Variants in SMAD6 observed in about 807,000 individuals in gnomAD.
The protein encoded by SMAD6 is MAD homolog 6.
A neutral mutation model predicts 39.4 loss-of-function variants in SMAD6; 103 were observed. The ratio of observed to expected loss-of-function variants is 2.62; its 90% CI spans 2.23 to 3.08. The LOEUF (loss-of-function observed/expected upper bound fraction) is 3.08, where lower values mean the gene tolerates loss of function less well. Ranked by LOEUF, SMAD6 falls within the 30% of genes most tolerant of loss-of-function variation. The pLI is 0.00. For synonymous variants in SMAD6, 445 were observed against 353.3 expected, an observed-to-expected ratio of 1.26 and a Z score of -2.91; for missense variants, 1,104 against 742.9, an observed-to-expected ratio of 1.49 and a Z score of -5.65.
intron 3 of SMAD6, among the ~76,000 whole-genome samples, chr15:66,748,598 G>A (rs932561295): frequency 6.6e-6 from 1 of 152,110 alleles, no homozygotes; most frequent in African/African-American, 2.4e-5. Flanking sequence ...TAATTGAATT[G>A]CATACTTTCA....
At chr15:66,765,072 C>T (rs919588532) in intron 3 of SMAD6, among the ~76,000 whole-genome samples, 1 of 152,198 alleles carries the variant, frequency 6.6e-6, no homozygotes, top group Non-Finnish European at 1.5e-5. Flanking sequence ...TCCCTCACCA[C>T]CCCTGAAGAT....
intron 1 of SMAD6, chr15:66,707,822 C>A (rs1893148375): frequency 1.3e-5 from 2 of 152,380 alleles, no homozygotes; most frequent in African/African-American, 4.8e-5. Flanking sequence ...GGAAACTTGG[C>A]AACCCGGGAG....
At chr15:66,731,246 G>T (rs901342720) in intron 3 of SMAD6, among the ~76,000 whole-genome samples, 1 of 151,562 alleles carries the variant, frequency 6.6e-6, no homozygotes, top group East Asian at 1.9e-4. Flanking sequence ...AGACCACCCC[G>T]GCTAAAACGG....
At chr15:66,708,684 C>A in intron 1 of SMAD6, 1 of 469,882 alleles carries the variant, frequency 2.1e-6, no homozygotes, top group Non-Finnish European at 4.4e-6. Context: ...CCACAAAAGG[C>A]CATATATTGT....
At chr15:66,750,819 C>T (rs969641477) in intron 3 of SMAD6, among the ~76,000 whole-genome samples, 1 of 152,172 alleles carries the variant, frequency 6.6e-6, no homozygotes, top group Non-Finnish European at 1.5e-5. Context: ...GGATATTAAT[C>T]CCCCACTCCT....
At chr15:66,714,278 TGAG>T (rs1893285200) in intron 2 of SMAD6, among the ~76,000 whole-genome samples, 1 of 152,120 alleles carries the variant, frequency 6.6e-6, no homozygotes, top group African/African-American at 2.4e-5. Context: ...ATGAGATGAC[TGAG>T]GCCCAGAAAG....
At position 66,702,346 on chromosome 15, in the gene SMAD6, A is replaced by G. The variant is rs1892988156; in HGVS notation, c.-913A>G. On this transcript the variant is annotated 5_prime_UTR_variant, in exon 1 of 4. Coordinates refer to ENST00000288840, the MANE Select transcript of SMAD6 (RefSeq NM_005585.5). Reference sequence around the variant, plus strand: ...AGCCGAGCGGGGGAGCGATCGAGGGAGCTGAGCCGAGAGAAAGAGCCGCCG... The same window carrying G: ...AGCCGAGCGGGGGAGCGATCGAGGGGGCTGAGCCGAGAGAAAGAGCCGCCG... 6.7e-6 allele frequency: 1 copy of G among 150,296 alleles called. No individual in the cohort carries two copies. The highest frequency in any genetic ancestry group is 2.5e-5 in the African/African-American group (1 of 40,504). 9.3% of individuals were successfully genotyped at this position (150,296 alleles called of 1,614,324 possible).
intron 3 of SMAD6, among the ~76,000 whole-genome samples, chr15:66,724,679 C>T (rs946310872): frequency 3.3e-5 from 5 of 152,202 alleles, no homozygotes; most frequent in African/African-American, 9.7e-5. Context: ...TCTTGAGCTT[C>T]TGGGGCTTCT....
intron 3 of SMAD6, among the ~76,000 whole-genome samples, chr15:66,753,862 T>C (rs1021547562): frequency 2.0e-5 from 3 of 152,174 alleles, no homozygotes; most frequent in African/African-American, 7.2e-5. Context: ...CCCAGCTGGA[T>C]GACTCGGGTT....
Position 66,703,642 on chromosome 15 carries a change from C to G in SMAD6, c.384C>G (p.Leu128=), listed in dbSNP as rs752593472. 5 of 1,233,634 alleles carry G rather than the reference C, an allele frequency of 4.1e-6. No homozygotes were observed. Among genetic ancestry groups the G allele is most frequent in the Non-Finnish European group, 5.1e-6 (5 of 987,172 alleles). 76.4% of individuals were successfully genotyped at this position (1,233,634 alleles called of 1,614,324 possible). ...ACTGCGAGACGGTGACCTGCTGTCT[C>G]TTTTCGGAGCGGGACGCCGCCGGCG... is the stretch of plus-strand genomic sequence containing the variant. The part of the protein sequence containing the change: ...ESDCETVTCC[L]FSERDAAGAP... Residue 128 remains leucine, a synonymous_variant, in exon 1 of 4, where the codon CTC becomes CTG. Transcript: ENST00000288840.
At chr15:66,725,020 T>C (rs1848229726) in intron 3 of SMAD6, among the ~76,000 whole-genome samples, 1 of 152,152 alleles carries the variant, frequency 6.6e-6, no homozygotes, top group South Asian at 2.1e-4. Context: ...AGGGTCCCCC[T>C]CCTCCTATCC....
At chr15:66,756,534 A>G (rs868417934) in intron 3 of SMAD6, among the ~76,000 whole-genome samples, 10 of 152,338 alleles carry the variant, frequency 6.6e-5, no homozygotes, top group South Asian at 2.1e-4. Context: ...CAGCAGCTCC[A>G]CTGGCGCTGC....
At chr15:66,740,001 T>G (rs186172888) in intron 3 of SMAD6, among the ~76,000 whole-genome samples, 166 of 152,334 alleles carry the variant, frequency 1.1e-3, no homozygotes, top group Non-Finnish European at 1.9e-3. Context: ...GTAAATATTT[T>G]CCTGTGTCAT....
At chr15:66,743,693 A>C (rs568932426) in intron 3 of SMAD6, among the ~76,000 whole-genome samples, 2 of 152,282 alleles carry the variant, frequency 1.3e-5, no homozygotes, top group East Asian at 1.9e-4. Context: ...TAATTATATT[A>C]TTCTTCTTAA....
chr15:66,750,777 C>T lies in SMAD6; in HGVS notation c.953-30220C>T, dbSNP rs1893990978. On this transcript the variant is annotated intron_variant, in intron 3 of 3. Transcript: ENST00000288840. Reference sequence around the variant, plus strand: ...TTAGGGAAGCAATACAGAACTCACCCCTGCTATCCTCCTTATGGGGTGAGG... The same window carrying T: ...TTAGGGAAGCAATACAGAACTCACCTCTGCTATCCTCCTTATGGGGTGAGG... Among the ~76,000 whole-genome samples, 5 of 152,178 alleles carry T rather than the reference C, an allele frequency of 3.3e-5. 1 individual carries two copies. Among genetic ancestry groups the T allele is most frequent in the Admixed American group, 3.3e-4 (5 of 15,286 alleles).
At chr15:66,759,380 CAA>C (rs1342529486) in intron 3 of SMAD6, among the ~76,000 whole-genome samples, 1 of 151,964 alleles carries the variant, frequency 6.6e-6, no homozygotes, top group Non-Finnish European at 1.5e-5. Flanking sequence ...AACAACACAG[CAA>C]ACTTTTTTTG....
intron 1 of SMAD6, among the ~76,000 whole-genome samples, chr15:66,709,591 G>T (rs187468990): frequency 6.6e-6 from 1 of 152,176 alleles, no homozygotes; most frequent in Non-Finnish European, 1.5e-5. Flanking sequence ...AGAGCTCCAT[G>T]CCATGTGTGG....
intron 1 of SMAD6, among the ~76,000 whole-genome samples, chr15:66,710,094 C>G (rs1029103996): frequency 2.0e-4 from 30 of 152,204 alleles, no homozygotes; most frequent in Non-Finnish European, 2.4e-4. Flanking sequence ...AGAGTCAGGC[C>G]TGGACTGGAA....
chr15:66,745,105 T>TA (rs1893884391), intron 3 of SMAD6, among the ~76,000 whole-genome samples: 1 of 152,050 alleles, frequency 6.6e-6, no homozygotes, highest in South Asian at 2.1e-4. Flanking sequence ...CAAAACCTCT[T>TA]AGCAGGACCC....
Sources: gnomAD v4.1 joint callset for allele counts (sites outside exome capture counted in the v4.1 genomes callset) on GRCh38, gnomAD v4.1.1 for gene constraint, MANE v1.5 for transcripts, NCBI Gene and HGNC (gene_info 2026-07-23, HGNC 2026-07-21) for gene names.